Variants in JAKMIP2 observed in about 807,000 individuals in gnomAD.
The protein encoded by JAKMIP2 is janus kinase and microtubule-interacting protein 2.
In JAKMIP2, 25 loss-of-function variants were observed where a neutral mutation model predicts 115.0. The ratio of observed to expected loss-of-function variants is 0.22; its 90% CI spans 0.16 to 0.30. The LOEUF (loss-of-function observed/expected upper bound fraction) is 0.30, where lower values mean the gene tolerates loss of function less well. Ranked by LOEUF, JAKMIP2 falls within the 10% of genes least tolerant of loss-of-function variation. JAKMIP2 has a pLI of 1.00. For synonymous variants in JAKMIP2, 334 were observed against 343.6 expected (o/e 0.97, Z 0.31); for missense variants, 642 against 957.6 (o/e 0.67, Z 4.35).
chr5:147,779,353 G>A (rs912844421), intron 1 of JAKMIP2, among the ~76,000 whole-genome samples: 1 of 151,946 alleles, frequency 6.6e-6, no homozygotes, highest in African/African-American at 2.4e-5. Context: ...GCATTTGAGT[G>A]GAAGATTAGT....
chr5:147,585,940 T>C lies in JAKMIP2; in HGVS notation c.*5767A>G, dbSNP rs1754850105. On this transcript the variant is annotated 3_prime_UTR_variant, in exon 22 of 22. Coordinates refer to ENST00000616793, the MANE Select transcript of JAKMIP2 (RefSeq NM_001270941.2). ...TTTTGGCTAATTTTAATACTGTAGATTGTGCTGAACTTTCTGTTGCTCTTT... is the reference window on the plus strand; with the variant it reads ...TTTTGGCTAATTTTAATACTGTAGACTGTGCTGAACTTTCTGTTGCTCTTT... The C allele has an allele frequency of 6.6e-6, 1 of 152,046 alleles. No homozygotes were observed. The highest frequency in any genetic ancestry group is 1.5e-5 in the Non-Finnish European group (1 of 68,010). The allele number at this position is 152,046 out of a possible 1,614,324, so 9.4% of individuals were successfully genotyped here. A position where few individuals can be genotyped will look rare whatever the true frequency, so the allele number is the denominator to read the frequency against.
At chr5:147,762,360 TG>T (rs1754958720) in intron 1 of JAKMIP2, among the ~76,000 whole-genome samples, 1 of 152,170 alleles carries the variant, frequency 6.6e-6, no homozygotes, top group African/African-American at 2.4e-5. Flanking sequence ...ATTTAATGAT[TG>T]GGCTGTGTAT....
chr5:147,745,254 C>T (rs191981599), intron 1 of JAKMIP2, among the ~76,000 whole-genome samples: 1 of 152,104 alleles, frequency 6.6e-6, no homozygotes, highest in Admixed American at 6.6e-5. Context: ...AAAATATTAA[C>T]CAGTGCAAGA....
Position 147,690,498 on chromosome 5 carries a change from A to C in JAKMIP2, c.-148-18544T>G, listed in dbSNP as rs185921400. Among the ~76,000 whole-genome samples the C allele has an allele frequency of 3.4e-3, 499 of 147,982 alleles. 3 individuals carry two copies. Among genetic ancestry groups the C allele is most frequent in the Admixed American group, 4.2e-3 (62 of 14,774 alleles). ...ATTTAAAGAGCAAGATGACGAATGA[A>C]GTCCAAAGTATAATGTCATTCATGT... On this transcript the variant is annotated intron_variant, in intron 1 of 21. Coordinates refer to ENST00000616793, the MANE Select transcript of JAKMIP2 (RefSeq NM_001270941.2).
intron 1 of JAKMIP2, among the ~76,000 whole-genome samples, chr5:147,776,081 A>G (rs1755543953): frequency 6.6e-6 from 1 of 152,226 alleles, no homozygotes. Flanking sequence ...TATTTAAAAA[A>G]GAGGAAAGAG....
intron 1 of JAKMIP2, among the ~76,000 whole-genome samples, chr5:147,763,142 C>T (rs1345956827): frequency 1.3e-5 from 2 of 152,052 alleles, no homozygotes; most frequent in Non-Finnish European, 2.9e-5. Context: ...CCAGTTTGTT[C>T]ACTCCTGAGT....
chr5:147,733,791 A>T (rs1753820345), intron 1 of JAKMIP2, among the ~76,000 whole-genome samples: 1 of 152,208 alleles, frequency 6.6e-6, no homozygotes, highest in Non-Finnish European at 1.5e-5. Context: ...AAAGGACACA[A>T]ACTCATCCTT....
At chr5:147,692,321 A>G (rs1751898353) in intron 1 of JAKMIP2, among the ~76,000 whole-genome samples, 1 of 152,178 alleles carries the variant, frequency 6.6e-6, no homozygotes. Context: ...CTCCGGAAAG[A>G]ACCAAGCTTG....
At chr5:147,645,566 T>G (rs1278992449) in intron 5 of JAKMIP2, among the ~76,000 whole-genome samples, 1 of 152,198 alleles carries the variant, frequency 6.6e-6, no homozygotes, top group Non-Finnish European at 1.5e-5. Context: ...TGTGGATGTT[T>G]GTGTAAGGAT....
chr5:147,739,485 G>A (rs527574906), intron 1 of JAKMIP2, among the ~76,000 whole-genome samples: 1 of 152,186 alleles, frequency 6.6e-6, no homozygotes, highest in Non-Finnish European at 1.5e-5. Flanking sequence ...GAGCAAGGAG[G>A]GGCTGGCCAA....
chr5:147,742,613 G>A (rs2126998958), intron 1 of JAKMIP2, among the ~76,000 whole-genome samples: 1 of 152,192 alleles, frequency 6.6e-6, no homozygotes, highest in Admixed American at 6.5e-5. Flanking sequence ...GCAAGATAAG[G>A]GAATAGAGAG....
chr5:147,632,962 G>A (rs1207484609), intron 12 of JAKMIP2, among the ~76,000 whole-genome samples, 184 bp from the exon 13 acceptor site: 3 of 152,150 alleles, frequency 2.0e-5, no homozygotes, highest in African/African-American at 7.2e-5. Context: ...CTTCGGTTGA[G>A]TTTTTTGAGT....
intron 10 of JAKMIP2, among the ~76,000 whole-genome samples, chr5:147,638,046 A>G (rs749476063): frequency 1.2e-4 from 19 of 152,190 alleles, no homozygotes; most frequent in Admixed American, 7.9e-4. Flanking sequence ...TATCAGGTCC[A>G]AAAAATAATT....
Position 147,644,092 on chromosome 5 carries a change from A to G in JAKMIP2, c.1190T>C (p.Ile397Thr), listed in dbSNP as rs1409576729. ...CTCATCAATAATGTTCTGTTGCTCAATGACCTGAAGTTTTAGAAACTCTGT... is the reference window on the plus strand; with the variant it reads ...CTCATCAATAATGTTCTGTTGCTCAGTGACCTGAAGTTTTAGAAACTCTGT... ...QETEFLKLQV[I>T]EQQNIIDELT... Residue 397 changes from isoleucine to threonine, a missense_variant, in exon 7 of 22, where the codon ATT becomes ACT. By Grantham distance (89) the Ile-to-Thr change is moderately conservative. This residue lies in a region of JAKMIP2 where 439 missense variants were observed against 570.9 expected (regional missense o/e 0.77). Transcript: ENST00000616793. 3.7e-6 allele frequency: 6 copies of G among 1,606,988 alleles called. No homozygotes were observed. The highest frequency in any genetic ancestry group is 4.3e-6 in the Non-Finnish European group (5 of 1,175,250).
At chr5:147,778,669 T>C (rs755825535) in intron 1 of JAKMIP2, among the ~76,000 whole-genome samples, 15 of 151,824 alleles carry the variant, frequency 9.9e-5, no homozygotes, top group Non-Finnish European at 1.5e-4. Flanking sequence ...GAATATAAAC[T>C]GAAATTGATA....
intron 8 of JAKMIP2, among the ~76,000 whole-genome samples, chr5:147,641,465 T>C (rs1187574867): frequency 6.6e-6 from 1 of 152,222 alleles, no homozygotes. Flanking sequence ...CCTAGGGGCA[T>C]CTCCATTTAG....
At chr5:147,707,411 C>G (rs1752621150) in intron 1 of JAKMIP2, among the ~76,000 whole-genome samples, 1 of 152,140 alleles carries the variant, frequency 6.6e-6, no homozygotes, top group Non-Finnish European at 1.5e-5. Context: ...GTAATATTTT[C>G]TAGTACATGC....
intron 3 of JAKMIP2, among the ~76,000 whole-genome samples, chr5:147,657,289 A>G (rs1758729293): frequency 6.6e-6 from 1 of 152,172 alleles, no homozygotes. Flanking sequence ...CAAACAAAAC[A>G]AAACAAAACA....
At chr5:147,722,202 ACTAAT>A (rs1353303836) in intron 1 of JAKMIP2, among the ~76,000 whole-genome samples, 1 of 152,186 alleles carries the variant, frequency 6.6e-6, no homozygotes, top group Non-Finnish European at 1.5e-5. Context: ...GCTGCAAATG[ACTAAT>A]CTTAGTATTT....
Sources: allele counts gnomAD v4.1 joint callset (sites outside exome capture counted in the v4.1 genomes callset), GRCh38; gene constraint gnomAD v4.1.1; regional missense constraint gnomAD v4.1.1; transcripts MANE v1.5; gene names NCBI Gene and HGNC (gene_info 2026-07-23, HGNC 2026-07-21).